The following SYN1 variants were observed in gnomAD, a reference collection of about 807,000 sequenced individuals.
SYN1 encodes synapsin-1.
In SYN1, 8 loss-of-function variants were observed where a neutral mutation model predicts 44.6. The ratio of observed to expected loss-of-function variants is 0.18; its 90% CI spans 0.11 to 0.32. The LOEUF (loss-of-function observed/expected upper bound fraction) is 0.32. SYN1 is among the 10% of genes least tolerant of loss of function. The probability of loss-of-function intolerance (pLI) is 1.00; values close to 1 mark genes in which losing one functional copy is unlikely to be tolerated. For missense variants in SYN1, 451 were observed against 639.4 expected (o/e 0.71, Z 3.18); for synonymous variants, 275 against 280.1 (o/e 0.98, Z 0.18).
At position 47,619,802 on chromosome X, in the gene SYN1, G is replaced by A. The variant is rs2057942841; in HGVS notation, c.-74C>T. The A allele has an allele frequency of 9.5e-7, 1 of 1,049,944 alleles. No individual in the cohort carries two copies. 86.5% of individuals were successfully genotyped at this position (1,049,944 alleles called of 1,213,427 possible). On this transcript the variant is annotated 5_prime_UTR_variant, in exon 1 of 13. Coordinates refer to ENST00000295987, the MANE Select transcript of SYN1 (RefSeq NM_006950.3). ...GCGGGGGCGGACTGCGCGGTGCCCA[G>A]GAGCACAGCTGCGCTCTCAGGCACG...
At chrX:47,591,687 C>T (rs2057848487) in intron 5 of SYN1, among the ~76,000 whole-genome samples, 1 of 104,526 alleles carries the variant, frequency 9.6e-6, no homozygotes, top group African/African-American at 3.5e-5. Context: ...CGCCACTGCA[C>T]TCCAGCCTGG....
chrX:47,573,976 G>A, intron 12 of SYN1, 26 bp downstream of exon 12: 1 of 1,106,832 alleles, frequency 9.0e-7, no homozygotes, highest in Non-Finnish European at 1.2e-6. Context: ...GCAGCAAGGC[G>A]AAGGCTGCTG....
intron 1 of SYN1, among the ~76,000 whole-genome samples, chrX:47,616,488 T>C (rs772009941): frequency 8.9e-6 from 1 of 111,759 alleles, no homozygotes; most frequent in African/African-American, 3.3e-5. Flanking sequence ...AGGACCTGCA[T>C]GGAGGGCTGG....
chrX:47,588,097 A>T (rs1236385840), intron 5 of SYN1, among the ~76,000 whole-genome samples: 5 of 112,438 alleles, frequency 4.4e-5, no homozygotes, highest in Admixed American at 3.8e-4. Context: ...CCGGATGGGA[A>T]TGGGCAGATT....
At chrX:47,614,037 A>C (rs1178759118) in intron 1 of SYN1, among the ~76,000 whole-genome samples, 1 of 112,040 alleles carries the variant, frequency 8.9e-6, no homozygotes, top group Non-Finnish European at 1.9e-5. Flanking sequence ...CTGGTTCTCC[A>C]AGGGGGAACA....
At chrX:47,612,805 A>G (rs2057920078) in intron 1 of SYN1, among the ~76,000 whole-genome samples, 1 of 112,195 alleles carries the variant, frequency 8.9e-6, no homozygotes, top group South Asian at 3.7e-4. Context: ...TCTGGGATAC[A>G]GAAATGTGGG....
At chrX:47,606,171 G>A (rs2057896352) in intron 3 of SYN1, among the ~76,000 whole-genome samples, 1 of 111,276 alleles carries the variant, frequency 9.0e-6, no homozygotes, top group African/African-American at 3.3e-5. Context: ...GGGATTATAG[G>A]CATGAGCCAC....
chrX:47,590,793 C>T (rs773132080), intron 5 of SYN1, among the ~76,000 whole-genome samples: 14 of 112,318 alleles, frequency 1.2e-4, no homozygotes, highest in Non-Finnish European at 2.1e-4. Context: ...CTCTTGCTCC[C>T]CTACTTCTTC....
intron 5 of SYN1, chrX:47,584,984 T>G: frequency 1.7e-6 from 2 of 1,211,273 alleles, no homozygotes; most frequent in Non-Finnish European, 2.2e-6. Context: ...CAGACCACCT[T>G]ATACCAGCGT....
At chrX:47,586,785 C>A in intron 5 of SYN1, 1 of 1,057,177 alleles carries the variant, frequency 9.5e-7, no homozygotes, top group Non-Finnish European at 1.3e-6. Flanking sequence ...AGTTACCACC[C>A]AGCAGACACT....
At chrX:47,598,533 A>G (rs1161199635) in intron 5 of SYN1, among the ~76,000 whole-genome samples, 2 of 111,999 alleles carry the variant, frequency 1.8e-5, no homozygotes, top group African/African-American at 3.2e-5. Flanking sequence ...TCTCTACAAA[A>G]AAATTAAAAA....
At chrX:47,605,713 C>A (rs148344760) in intron 3 of SYN1, among the ~76,000 whole-genome samples, 2,194 of 110,258 alleles carry the variant, frequency 0.02, 64 homozygotes, top group African/African-American at 0.068. Context: ...ACCTTGGGAC[C>A]TTTACCAAGG....
chrX:47,617,277 G>A (rs1168900017), intron 1 of SYN1, among the ~76,000 whole-genome samples: 1 of 111,154 alleles, frequency 9.0e-6, no homozygotes, highest in Non-Finnish European at 1.9e-5. Flanking sequence ...GACCCCTAGA[G>A]AGAGAGCTCT....
intron 5 of SYN1, chrX:47,586,265 C>T (rs2057825858): frequency 1.3e-6 from 1 of 754,515 alleles, no homozygotes; most frequent in Non-Finnish European, 1.6e-6. Flanking sequence ...GACAATTCCA[C>T]AGGCGACCTG....
Position 47,574,258 on chromosome X carries a change from T to C in SYN1, c.1726A>G (p.Lys576Glu). 1.1e-5 allele frequency: 12 copies of C among 1,103,823 alleles called. No homozygotes were observed. Among genetic ancestry groups the C allele is most frequent in the Non-Finnish European group, 1.3e-5 (11 of 848,877 alleles). The allele number at this position is 1,103,823 out of a possible 1,213,427, so 91.0% of individuals were successfully genotyped here. The change falls in exon 12 of 13, where the codon AAG becomes GAG. Residue 576 changes from lysine to glutamate, a missense_variant. Coordinates refer to ENST00000295987, the MANE Select transcript of SYN1 (RefSeq NM_006950.3). ...CCGCCCGGTGGGGCCCCAGAGGCCT[T>C]TGGCGGAGCCGGGCCAGAGACGGAT... ...QTSVSGPAPP[K>E]ASGAPPGGQQ...
At chrX:47,608,486 G>A (rs1471337377) in intron 1 of SYN1, among the ~76,000 whole-genome samples, 2 of 111,758 alleles carry the variant, frequency 1.8e-5, no homozygotes, top group Non-Finnish European at 3.8e-5. Context: ...GTTGTGTGCT[G>A]TGAGAAACAC....
At chrX:47,601,657 T>C (rs777404144) in intron 5 of SYN1, among the ~76,000 whole-genome samples, 1 of 111,925 alleles carries the variant, frequency 8.9e-6, no homozygotes, top group East Asian at 2.8e-4. Flanking sequence ...AGGAACACTG[T>C]CCAACTTATT....
At position 47,576,322 on chromosome X, in the gene SYN1, G is replaced by A; in HGVS notation, c.1055+10C>T. ...CGCTTCCCCTCACACCCTGAGTTCG[G>A]GCTGCCCACCTGTCAGACATGGCAA... On this transcript the variant is annotated intron_variant, in intron 8 of 12. Transcript: ENST00000295987. The A allele has an allele frequency of 2.5e-6, 3 of 1,211,482 alleles. No homozygotes were observed. The highest frequency in any genetic ancestry group is 3.4e-6 in the Non-Finnish European group (3 of 895,293).
At chrX:47,574,918 G>A in intron 10 of SYN1, 143 bp from the exon 11 acceptor site, 1 of 773,443 alleles carries the variant, frequency 1.3e-6, no homozygotes, top group African/African-American at 2.1e-5. Context: ...GTGGGGTGGG[G>A]GACCTGTTCC....
Sources: allele counts gnomAD v4.1 joint callset (sites outside exome capture counted in the v4.1 genomes callset), GRCh38; gene constraint gnomAD v4.1.1; transcripts MANE v1.5; gene names NCBI Gene and HGNC (gene_info 2026-07-23, HGNC 2026-07-21).